PTK2B: variants seen among roughly 807,000 people sequenced by gnomAD.
PTK2B encodes the protein protein tyrosine kinase 2 beta.
Under a neutral mutation model 142.9 loss-of-function variants are expected in PTK2B, and 71 were observed. The ratio of observed to expected loss-of-function variants is 0.50; its 90% CI spans 0.41 to 0.61. The LOEUF (loss-of-function observed/expected upper bound fraction) is 0.61. Ranked by LOEUF, PTK2B falls within the 20% of genes least tolerant of loss-of-function variation. The pLI is 0.00. For missense variants in PTK2B, 1,105 were observed against 1,320.4 expected (o/e 0.84, Z 2.53); for synonymous variants, 519 against 503.4 (o/e 1.03, Z -0.42).
chr8:27,353,548 C>T (rs914675598), intron 1 of PTK2B, among the ~76,000 whole-genome samples: 2 of 132,276 alleles, frequency 1.5e-5, no homozygotes, highest in African/African-American at 5.1e-5. Flanking sequence ...CATGCATGCT[C>T]GCTCTCTCTC....
At chr8:27,355,986 G>A (rs1805369476) in intron 1 of PTK2B, among the ~76,000 whole-genome samples, 1 of 150,372 alleles carries the variant, frequency 6.7e-6, no homozygotes, top group African/African-American at 2.5e-5. Context: ...TCATGCCATT[G>A]TACTCCAGCC....
At chr8:27,344,292 A>G (rs767809366) in intron 1 of PTK2B, among the ~76,000 whole-genome samples, 2 of 152,206 alleles carry the variant, frequency 1.3e-5, no homozygotes, top group Non-Finnish European at 2.9e-5. Context: ...TGGTTTGCAC[A>G]CAATTATTCA....
In PTK2B at chr8:27,431,396, A is replaced by C; in HGVS notation, c.811-2A>C. ...CAACAGTCCACTCTCCTTTTATTCC[A>C]GCAAGGATGGAACATTACTGTGGAC... On this transcript the variant is annotated splice_acceptor_variant, in intron 8 of 30. Coordinates refer to ENST00000346049, the MANE Select transcript of PTK2B (RefSeq NM_173176.3). LOFTEE classifies it high-confidence loss of function. The C allele has an allele frequency of 6.2e-7, 1 of 1,614,228 alleles. No individual in the cohort carries two copies. Among genetic ancestry groups the C allele is most frequent in the Non-Finnish European group, 8.5e-7 (1 of 1,180,036 alleles).
At chr8:27,315,421 G>T (rs1186034336) in intron 3 of PTK2B, among the ~76,000 whole-genome samples, 1 of 152,080 alleles carries the variant, frequency 6.6e-6, no homozygotes, top group Non-Finnish European at 1.5e-5. Context: ...TAACCTTAGA[G>T]GCAATATCCA....
At chr8:27,334,581 C>G (rs563832307) in intron 1 of PTK2B, among the ~76,000 whole-genome samples, 1 of 152,188 alleles carries the variant, frequency 6.6e-6, no homozygotes, top group Admixed American at 6.5e-5. Flanking sequence ...TACATTCCTC[C>G]ACAGCAGGGA....
rs113904542 is a variant in PTK2B at position 27,445,985 on chromosome 8, G to A, written c.2340+66G>A. 43 of 1,599,558 alleles carry A rather than the reference G, an allele frequency of 2.7e-5. No individual in the cohort carries two copies. In the East Asian group the frequency reaches 8.0e-4, roughly 30 times the overall value. ...AGGCTGCTGGAGGGAGGTGGCCGGG[G>A]ACACTGGAAACCCCACGTCCTCAGC... On this transcript the variant is annotated intron_variant, in intron 24 of 30. Transcript: ENST00000346049.
At position 27,454,522 on chromosome 8, in the gene PTK2B, T is replaced by G; in HGVS notation, c.2734-9T>G. ...GAGTGGCGGCCATCCTGCCCCTTTC[T>G]CCCCCCAGAATGTGGGGCTGACCCT... On this transcript the variant is annotated splice_polypyrimidine_tract_variant and intron_variant, in intron 29 of 30. Transcript: ENST00000346049. 2 of 1,613,368 alleles carry G rather than the reference T, an allele frequency of 1.2e-6. No individual in the cohort carries two copies. The highest frequency in any genetic ancestry group is 1.7e-6 in the Non-Finnish European group (2 of 1,179,410).
chr8:27,347,214 T>A (rs1270330734), intron 1 of PTK2B, among the ~76,000 whole-genome samples: 5 of 141,896 alleles, frequency 3.5e-5, no homozygotes, highest in African/African-American at 7.9e-5. Flanking sequence ...CCATCTCTAC[T>A]AAAAAAAAAA....
intron 5 of PTK2B, among the ~76,000 whole-genome samples, chr8:27,422,789 C>A (rs1208393956): frequency 6.6e-6 from 1 of 152,196 alleles, no homozygotes; most frequent in Non-Finnish European, 1.5e-5. Context: ...CCAGTAGGCA[C>A]TTGATCAATA....
intron 9 of PTK2B, 78 bp from the exon 10 acceptor site, chr8:27,432,182 G>T: frequency 7.8e-6 from 10 of 1,276,118 alleles, no homozygotes; most frequent in Middle Eastern, 1.9e-4. Flanking sequence ...CCTCACCCCG[G>T]CTCCCCCATA....
intron 1 of PTK2B, among the ~76,000 whole-genome samples, chr8:27,397,236 G>C (rs1808105715): frequency 6.6e-6 from 1 of 152,204 alleles, no homozygotes; most frequent in South Asian, 2.1e-4. Context: ...CTTTGCTAAG[G>C]GTGGGCCCCT....
chr8:27,406,555 C>T (rs1043578845), intron 2 of PTK2B, among the ~76,000 whole-genome samples: 1 of 152,124 alleles, frequency 6.6e-6, no homozygotes, highest in South Asian at 2.1e-4. Context: ...TGTGAGTCAG[C>T]TCTTCTCCCC....
intron 1 of PTK2B, among the ~76,000 whole-genome samples, chr8:27,395,270 C>T (rs1051250640): frequency 3.9e-5 from 6 of 152,086 alleles, no homozygotes; most frequent in South Asian, 2.1e-4. Context: ...ATGAGTCATG[C>T]GTTGTGCTCT....
chr8:27,451,169 C>T, intron 26 of PTK2B, 91 bp downstream of exon 26: 2 of 1,416,128 alleles, frequency 1.4e-6, no homozygotes, highest in East Asian at 2.3e-5. Flanking sequence ...GCTCCTACCC[C>T]CAGGCCTGCC....
At chr8:27,451,101 C>T (rs1455731908) in intron 26 of PTK2B, 23 bp downstream of exon 26, 5 of 1,607,606 alleles carry the variant, frequency 3.1e-6, no homozygotes, top group Non-Finnish European at 4.3e-6. Context: ...GAGAGGCCGC[C>T]TCCTCCATGC....
At chr8:27,383,852 A>AGTTTTTTTTTTTTTTT (rs1807178925) in intron 1 of PTK2B, among the ~76,000 whole-genome samples, 1 of 116,594 alleles carries the variant, frequency 8.6e-6, no homozygotes, top group Non-Finnish European at 1.8e-5. Flanking sequence ...CACCTGGCTA[A>AGTTTTTTTTTTTTTTT]TTTTTTTTTT....
At chr8:27,378,642 TGTG>T (rs1443444343) in intron 1 of PTK2B, among the ~76,000 whole-genome samples, 7 of 126,116 alleles carry the variant, frequency 5.6e-5, no homozygotes, top group African/African-American at 2.0e-4. Flanking sequence ...TGTGTGTGTG[TGTG>T]TGTGTACACA....
intron 29 of PTK2B, 65 bp from the exon 30 acceptor site, chr8:27,454,466 C>CA (rs1049268608): frequency 7.6e-5 from 121 of 1,582,628 alleles, no homozygotes; most frequent in Non-Finnish European, 9.5e-5. Context: ...GAGCTCTTCC[C>CA]AGGGGAAACC....
intron 2 of PTK2B, among the ~76,000 whole-genome samples, chr8:27,411,167 G>A (rs1809036482): frequency 1.3e-5 from 2 of 152,172 alleles, no homozygotes; most frequent in African/African-American, 2.4e-5. Context: ...TATTAATAGA[G>A]AAAGAAATAT....
Sources: allele counts gnomAD v4.1 joint callset (sites outside exome capture counted in the v4.1 genomes callset), GRCh38; gene constraint gnomAD v4.1.1; transcripts MANE v1.5; gene names NCBI Gene and HGNC (gene_info 2026-07-23, HGNC 2026-07-21).